The following PXDNL variants were observed in gnomAD, a reference collection of about 807,000 sequenced individuals.
The protein encoded by PXDNL is peroxidasin like, also known as probable oxidoreductase PXDNL.
In PXDNL, 145 loss-of-function variants were observed where a neutral mutation model predicts 150.8. The observed-to-expected ratio is 0.96, with a 90% CI of 0.84 to 1.10. The LOEUF (loss-of-function observed/expected upper bound fraction) is 1.10. PXDNL is among the 50% of genes least tolerant of loss of function. The pLI is 0.00. For missense variants in PXDNL, 2,087 were observed against 1,873.9 expected (o/e 1.11, Z -2.10); for synonymous variants, 757 against 725.7 (o/e 1.04, Z -0.69).
intron 2 of PXDNL, among the ~76,000 whole-genome samples, chr8:51,649,241 T>C (rs934316550): frequency 2.0e-5 from 3 of 152,162 alleles, no homozygotes; most frequent in Non-Finnish European, 4.4e-5. Flanking sequence ...AGCACCGACA[T>C]AGACCCCAGC....
intron 1 of PXDNL, among the ~76,000 whole-genome samples, chr8:51,715,107 G>C (rs1289750279): frequency 6.6e-6 from 1 of 152,184 alleles, no homozygotes; most frequent in Non-Finnish European, 1.5e-5. Context: ...GTATATATCT[G>C]ATAAGGGATT....
At chr8:51,656,372 G>T (rs1307437641) in intron 1 of PXDNL, among the ~76,000 whole-genome samples, 1 of 152,130 alleles carries the variant, frequency 6.6e-6, no homozygotes, top group Non-Finnish European at 1.5e-5. Context: ...GGAATGCACT[G>T]CTTATACACC....
At chr8:51,643,669 C>G (rs1402843578) in intron 2 of PXDNL, among the ~76,000 whole-genome samples, 3 of 152,114 alleles carry the variant, frequency 2.0e-5, no homozygotes, top group Admixed American at 6.5e-5. Flanking sequence ...AAAGCAATGG[C>G]AACAAAAGCC....
rs530221914 is a variant in PXDNL at position 51,398,906 on chromosome 8, A to G, written c.3557+9161T>C. Reference sequence around the variant, plus strand: ...AAAGAAGGTATGCTCTTATTGAATTAACATTTAAACAAATGTAGAAAGAAA... The same window carrying G: ...AAAGAAGGTATGCTCTTATTGAATTGACATTTAAACAAATGTAGAAAGAAA... On this transcript the variant is annotated intron_variant, in intron 17 of 22. Transcript: ENST00000356297. 2.6e-5 allele frequency among the ~76,000 whole-genome samples: 4 copies of G among 152,364 alleles called. No homozygotes were observed. The South Asian group carries it at 8.3e-4, about 32-fold the overall frequency.
chr8:51,469,907 T>C (rs1173611742), intron 8 of PXDNL, among the ~76,000 whole-genome samples: 1 of 152,104 alleles, frequency 6.6e-6, no homozygotes, highest in Non-Finnish European at 1.5e-5. Context: ...TGACAGACAT[T>C]TTTACCCATA....
intron 13 of PXDNL, among the ~76,000 whole-genome samples, chr8:51,426,304 G>A (rs1191822366): frequency 6.6e-6 from 1 of 151,998 alleles, no homozygotes; most frequent in East Asian, 1.9e-4. Context: ...CCACTTCTGA[G>A]TTATTAACTT....
At chr8:51,643,151 C>T (rs1356363241) in intron 2 of PXDNL, among the ~76,000 whole-genome samples, 1 of 152,162 alleles carries the variant, frequency 6.6e-6, no homozygotes, top group Non-Finnish European at 1.5e-5. Flanking sequence ...CCATCCCCAT[C>T]AAGCTACCAA....
chr8:51,626,883 C>G lies in PXDNL; in HGVS notation c.236+27806G>C, dbSNP rs770266348. Among the ~76,000 whole-genome samples the G allele has an allele frequency of 4.6e-5, 7 of 152,132 alleles. No individual in the cohort carries two copies. In the South Asian group the frequency reaches 1.0e-3, roughly 22 times the overall value. ...TGAGTGATGGCAGAAAGAATCAAAG[C>G]TGTTGTCATCCAGGCCCTGTCCACT... On this transcript the variant is annotated intron_variant, in intron 2 of 22. Transcript: ENST00000356297.
intron 1 of PXDNL, among the ~76,000 whole-genome samples, chr8:51,751,290 A>G (rs1295089248): frequency 6.6e-6 from 1 of 152,186 alleles, no homozygotes; most frequent in Non-Finnish European, 1.5e-5. Context: ...ATGAGACTCT[A>G]TTGACATATA....
At chr8:51,700,701 C>T (rs1816240441) in intron 1 of PXDNL, among the ~76,000 whole-genome samples, 1 of 151,838 alleles carries the variant, frequency 6.6e-6, no homozygotes, top group Non-Finnish European at 1.5e-5. Context: ...CACATACACA[C>T]AGACACACAT....
intron 1 of PXDNL, among the ~76,000 whole-genome samples, chr8:51,663,762 CAA>C (rs1260510178): frequency 6.6e-6 from 1 of 152,070 alleles, no homozygotes; most frequent in African/African-American, 2.4e-5. Flanking sequence ...GAGAGCTGAT[CAA>C]GAGAGATGAG....
At chr8:51,434,074 G>A (rs1809328448) in intron 12 of PXDNL, among the ~76,000 whole-genome samples, 1 of 152,050 alleles carries the variant, frequency 6.6e-6, no homozygotes, top group Admixed American at 6.5e-5. Flanking sequence ...TGAACACTTT[G>A]ATGGATATAC....
chr8:51,696,780 C>T (rs1816146467), intron 1 of PXDNL, among the ~76,000 whole-genome samples: 2 of 39,232 alleles, frequency 5.1e-5, no homozygotes, highest in South Asian at 1.8e-3. Flanking sequence ...CAGGTCCACA[C>T]ACATACCCAC....
At chr8:51,662,761 C>CA (rs576924717) in intron 1 of PXDNL, among the ~76,000 whole-genome samples, 8 of 151,780 alleles carry the variant, frequency 5.3e-5, no homozygotes, top group African/African-American at 1.7e-4. Flanking sequence ...CCTCAGATAC[C>CA]AAAAAAACAG....
intron 1 of PXDNL, among the ~76,000 whole-genome samples, chr8:51,754,799 G>A (rs1001800951): frequency 2.6e-5 from 4 of 152,066 alleles, no homozygotes; most frequent in Admixed American, 1.3e-4. Context: ...CACTGCGCCC[G>A]GCCAAAAGTC....
intron 1 of PXDNL, among the ~76,000 whole-genome samples, chr8:51,773,801 T>A (rs1323218000): frequency 6.6e-6 from 1 of 152,238 alleles, no homozygotes; most frequent in East Asian, 1.9e-4. Flanking sequence ...AATTTACCAT[T>A]TTCAGCAGTA....
At chr8:51,707,240 A>G (rs1049817323) in intron 1 of PXDNL, among the ~76,000 whole-genome samples, 2 of 152,230 alleles carry the variant, frequency 1.3e-5, no homozygotes, top group African/African-American at 4.8e-5. Context: ...ACACATGACA[A>G]GCAGTTCATC....
chr8:51,391,014 C>T (rs1039497445), intron 17 of PXDNL, among the ~76,000 whole-genome samples: 28 of 151,830 alleles, frequency 1.8e-4, no homozygotes, highest in Admixed American at 1.6e-3. Flanking sequence ...TTTGTCCTTG[C>T]GATAGTTTAC....
chr8:51,345,835 ACTT>A lies in PXDNL; in HGVS notation c.4011_4013del (p.Arg1337del). On this transcript the variant is annotated inframe_deletion, in exon 20 of 23. Coordinates refer to ENST00000356297, the MANE Select transcript of PXDNL (RefSeq NM_144651.5). Reference sequence around the variant, plus strand: ...AAATGAGATATTTCTATACATACCTACTTCTTAGATGACTTAACTCCATATCCT... The same window carrying A: ...AAATGAGATATTTCTATACATACCTACTTAGATGACTTAACTCCATATCCT... The A allele has an allele frequency of 6.3e-7, 1 of 1,578,970 alleles. No individual in the cohort carries two copies. Among genetic ancestry groups the A allele is most frequent in the Non-Finnish European group, 8.7e-7 (1 of 1,148,470 alleles).
Sources: gnomAD v4.1 joint callset for allele counts (sites outside exome capture counted in the v4.1 genomes callset) on GRCh38, gnomAD v4.1.1 for gene constraint, MANE v1.5 for transcripts, NCBI Gene and HGNC (gene_info 2026-07-23, HGNC 2026-07-21) for gene names.